TXNDC12: variants seen among roughly 807,000 people sequenced by gnomAD.
TXNDC12 encodes the protein thioredoxin domain-containing protein 12.
In TXNDC12, 22 loss-of-function variants were observed where a neutral mutation model predicts 24.2. The observed-to-expected ratio is 0.91, with a 90% CI of 0.65 to 1.30. TXNDC12 has a LOEUF of 1.30. TXNDC12 is among the 50% of genes most tolerant of loss of function. The probability of loss-of-function intolerance (pLI) is 0.00; values close to 1 mark genes in which losing one functional copy is unlikely to be tolerated. For synonymous variants in TXNDC12, 58 were observed against 73.4 expected (o/e 0.79, Z 1.07); for missense variants, 184 against 205.8 (o/e 0.89, Z 0.65).
intron 1 of TXNDC12, among the ~76,000 whole-genome samples, chr1:52,048,693 C>T (rs1411763231): frequency 1.3e-5 from 2 of 151,786 alleles, no homozygotes; most frequent in South Asian, 2.1e-4. Context: ...CCCATCTCTA[C>T]CAAAAATTTA....
At chr1:52,033,049 G>T (rs79423354) in intron 2 of TXNDC12, 1 of 1,580,676 alleles carries the variant, frequency 6.3e-7, no homozygotes, top group Non-Finnish European at 8.6e-7. Flanking sequence ...CAGGGGCAAC[G>T]GCTCCTCTAG....
At chr1:52,034,967 T>A (rs905072986) in intron 2 of TXNDC12, among the ~76,000 whole-genome samples, 1 of 152,148 alleles carries the variant, frequency 6.6e-6, no homozygotes, top group Non-Finnish European at 1.5e-5. Flanking sequence ...TTTCACTATG[T>A]TGGCCAGGCT....
intron 2 of TXNDC12, chr1:52,032,394 T>C (rs1685778310): frequency 8.8e-7 from 1 of 1,132,734 alleles, no homozygotes; most frequent in South Asian, 3.9e-5. Flanking sequence ...GGGAAGCCAA[T>C]GGTCAATGCT....
chr1:52,035,486 C>T (rs899222803), intron 2 of TXNDC12, among the ~76,000 whole-genome samples: 22 of 152,118 alleles, frequency 1.4e-4, no homozygotes, highest in Admixed American at 6.6e-5. Flanking sequence ...GAGGGTAGAT[C>T]ACCTGAGGTC....
At chr1:52,027,764 C>T (rs957928139) in intron 3 of TXNDC12, among the ~76,000 whole-genome samples, 2 of 148,456 alleles carry the variant, frequency 1.3e-5, no homozygotes, top group African/African-American at 2.5e-5. Flanking sequence ...TACATATATA[C>T]GTATATATTA....
In TXNDC12 at chr1:52,041,576, CA is replaced by C; in HGVS notation, c.118del (p.Trp40GlyfsTer18). On this transcript the variant is annotated frameshift_variant, in exon 2 of 7. Coordinates refer to ENST00000371626, the MANE Select transcript of TXNDC12 (RefSeq NM_015913.4). LOFTEE classifies it high-confidence loss of function. ...TTTCTTCCCATCTTCCAGTGTCCTC[CA>C]ATGAATATGATCTCCAAAACCTGGA... ...LGKGFGDHIH[W>X]RTLEDGKKEA... is the part of the protein sequence containing the mutation. 6.2e-7 allele frequency: 1 copy of C among 1,612,172 alleles called. No homozygotes were observed. Among genetic ancestry groups the C allele is most frequent in the Non-Finnish European group, 8.5e-7 (1 of 1,178,850 alleles).
chr1:52,052,566 G>T, intron 1 of TXNDC12: 1 of 168,372 alleles, frequency 5.9e-6, no homozygotes. Context: ...ATCACATGGA[G>T]AGGTAACCAG....
chr1:52,051,960 GATTATT>G (rs1044152336), intron 1 of TXNDC12: 2 of 168,098 alleles, frequency 1.2e-5, no homozygotes, highest in East Asian at 3.9e-4. Context: ...TCCTTTTAGG[GATTATT>G]ATTATTATTT....
At chr1:52,033,290 C>A in intron 2 of TXNDC12, 1 of 1,613,924 alleles carries the variant, frequency 6.2e-7, no homozygotes. Flanking sequence ...ACAGAGTCCG[C>A]AGTATGCAGT....
At chr1:52,032,913 G>A (rs758141732) in intron 2 of TXNDC12, 1 of 1,611,492 alleles carries the variant, frequency 6.2e-7, no homozygotes, top group African/African-American at 1.3e-5. Context: ...CCATCAATCC[G>A]GCCAGTACTT....
In TXNDC12 at chr1:52,028,560, T is replaced by C. The variant is rs769533349; in HGVS notation, c.211+18A>G. The C allele has an allele frequency of 8.1e-6, 13 of 1,604,162 alleles. No individual in the cohort carries two copies. In the Admixed American group the frequency reaches 1.9e-4, roughly 23 times the overall value. Reference sequence around the variant, plus strand: ...AACACATCTGAGTTTTGAATTTAGATTGAGCATTTGCACTTACCTTTGCAA... The same window carrying C: ...AACACATCTGAGTTTTGAATTTAGACTGAGCATTTGCACTTACCTTTGCAA... On this transcript the variant is annotated intron_variant, in intron 3 of 6. Coordinates refer to ENST00000371626, the MANE Select transcript of TXNDC12 (RefSeq NM_015913.4).
chr1:52,055,320 G>A, upstream of TXNDC12: 1 of 510,536 alleles, frequency 2.0e-6, no homozygotes, highest in South Asian at 2.1e-5. Flanking sequence ...AGAAGGGTAC[G>A]AGAGCTGTTC....
chr1:52,022,808 T>A (rs1471404577), intron 6 of TXNDC12, among the ~76,000 whole-genome samples: 1 of 151,572 alleles, frequency 6.6e-6, no homozygotes, highest in Non-Finnish European at 1.5e-5. Flanking sequence ...GCCAGCTAAT[T>A]TTTTGTATTT....
At chr1:52,055,359 T>C (rs1686320607), upstream of TXNDC12, 2 of 444,228 alleles carry the variant, frequency 4.5e-6, no homozygotes, top group African/African-American at 2.0e-5. Flanking sequence ...TCGTGGATTC[T>C]GGGTGTCCAG....
intron 1 of TXNDC12, among the ~76,000 whole-genome samples, chr1:52,048,583 T>C (rs1686141587): frequency 6.6e-6 from 1 of 151,946 alleles, no homozygotes; most frequent in Admixed American, 6.6e-5. Context: ...ATAAAATTTC[T>C]CAGCCAGGCA....
At chr1:52,024,489 G>C in intron 5 of TXNDC12, 21 bp downstream of exon 5, 2 of 1,595,564 alleles carry the variant, frequency 1.3e-6, no homozygotes, top group East Asian at 4.5e-5. Flanking sequence ...TGGATTCCCA[G>C]GTTAAGATCA....
intron 2 of TXNDC12, among the ~76,000 whole-genome samples, chr1:52,035,652 C>G (rs534651862): frequency 1.3e-5 from 2 of 152,234 alleles, no homozygotes; most frequent in East Asian, 3.9e-4. Flanking sequence ...GCGGAGGTTG[C>G]AGTGAGCCTA....
At chr1:52,048,963 A>T (rs1686149782) in intron 1 of TXNDC12, among the ~76,000 whole-genome samples, 1 of 152,210 alleles carries the variant, frequency 6.6e-6, no homozygotes, top group Non-Finnish European at 1.5e-5. Context: ...TTACTAATAG[A>T]GACCTAGAAC....
In TXNDC12 at chr1:52,020,741, C is replaced by A. The variant is rs1450678148; in HGVS notation, c.*192G>T. ...AAAGGAGAAGAAAGTCTGCCACTCT[C>A]CGCTGGATCCACAAACATGCAGACC... On this transcript the variant is annotated 3_prime_UTR_variant, in exon 7 of 7. Coordinates refer to ENST00000371626, the MANE Select transcript of TXNDC12 (RefSeq NM_015913.4). The A allele has an allele frequency of 3.7e-6, 2 of 539,666 alleles. No individual in the cohort carries two copies. Among genetic ancestry groups the A allele is most frequent in the Admixed American group, 6.9e-5 (2 of 28,834 alleles). The allele number at this position is 539,666 out of a possible 1,614,324, so 33.4% of individuals were successfully genotyped here.
Sources: gnomAD v4.1 joint callset for allele counts (sites outside exome capture counted in the v4.1 genomes callset) on GRCh38, gnomAD v4.1.1 for gene constraint, MANE v1.5 for transcripts, NCBI Gene and HGNC (gene_info 2026-07-23, HGNC 2026-07-21) for gene names.